CSGALNACT1: variants seen among roughly 807,000 people sequenced by gnomAD.
CSGALNACT1 encodes beta4GalNAcT-1.
CSGALNACT1 carries 52 observed loss-of-function variants against 51.0 expected under a neutral mutation model. The observed-to-expected ratio is 1.02, with a 90% CI of 0.82 to 1.29. CSGALNACT1 has a LOEUF of 1.29. Ranked by LOEUF, CSGALNACT1 falls within the 50% of genes most tolerant of loss-of-function variation. The pLI is 0.00. For synonymous variants in CSGALNACT1, 341 were observed against 254.4 expected (o/e 1.34, Z -3.24); for missense variants, 935 against 679.2 (o/e 1.38, Z -4.19).
At chr8:19,549,116 T>C (rs1942840408) in intron 3 of CSGALNACT1, among the ~76,000 whole-genome samples, 2 of 138,368 alleles carry the variant, frequency 1.4e-5, no homozygotes, top group Admixed American at 7.0e-5. Context: ...CAAGACTAGC[T>C]GCTTATCCTT....
intron 1 of CSGALNACT1, chr8:19,642,007 G>T (rs1177801004): frequency 6.6e-6 from 1 of 152,184 alleles, no homozygotes; most frequent in Non-Finnish European, 1.5e-5. Context: ...TTTGGGCAAC[G>T]CCTGATGTCT....
At chr8:19,711,103 A>G (rs1257392889) in intron 1 of CSGALNACT1, among the ~76,000 whole-genome samples, 1 of 152,144 alleles carries the variant, frequency 6.6e-6, no homozygotes, top group African/African-American at 2.4e-5. Flanking sequence ...ATATAAATAT[A>G]TTTCCAAAGG....
At chr8:19,724,949 G>A (rs1204723711) in intron 1 of CSGALNACT1, among the ~76,000 whole-genome samples, 5 of 152,146 alleles carry the variant, frequency 3.3e-5, no homozygotes, top group Non-Finnish European at 7.3e-5. Context: ...GCAGAGAGCT[G>A]CGCCCTCAGC....
rs139260581 is a variant in CSGALNACT1, at chr8:19,425,585, G to C, written c.954-5067C>G. On this transcript the variant is annotated intron_variant, in intron 6 of 9. Coordinates refer to ENST00000454498, the Ensembl canonical transcript of CSGALNACT1. ...TAATCAGAGCCTCACAAGAGTGGAAGCATCTACCTCACTGCCTGCTCTCCA... is the reference window on the plus strand; with the variant it reads ...TAATCAGAGCCTCACAAGAGTGGAACCATCTACCTCACTGCCTGCTCTCCA... Among the ~76,000 whole-genome samples, 5 of 152,290 alleles carry C rather than the reference G, an allele frequency of 3.3e-5. No individual in the cohort carries two copies. In the East Asian group the frequency reaches 9.7e-4, roughly 29 times the overall value.
chr8:19,698,513 G>T (rs2061692979), intron 1 of CSGALNACT1, among the ~76,000 whole-genome samples: 1 of 152,190 alleles, frequency 6.6e-6, no homozygotes, highest in African/African-American at 2.4e-5. Flanking sequence ...GAGGCTCACA[G>T]GCTAAGGTAA....
chr8:19,610,306 A>G (rs1173849885), intron 1 of CSGALNACT1, among the ~76,000 whole-genome samples: 1 of 151,014 alleles, frequency 6.6e-6, no homozygotes, highest in East Asian at 1.9e-4. Flanking sequence ...AAAAAAAAAA[A>G]AAAAAGATAC....
At chr8:19,741,061 T>G (rs1323022317) in intron 1 of CSGALNACT1, among the ~76,000 whole-genome samples, 1 of 152,204 alleles carries the variant, frequency 6.6e-6, no homozygotes, top group Non-Finnish European at 1.5e-5. Context: ...AACTGACTTT[T>G]GTGCGTAGGT....
chr8:19,653,687 G>T (rs1281153330), intron 1 of CSGALNACT1, among the ~76,000 whole-genome samples: 1 of 152,090 alleles, frequency 6.6e-6, no homozygotes, highest in Non-Finnish European at 1.5e-5. Flanking sequence ...CCAGCTACTT[G>T]TGAGGCTGAG....
chr8:19,431,458 A>G (rs757961208), intron 6 of CSGALNACT1, among the ~76,000 whole-genome samples: 3 of 152,042 alleles, frequency 2.0e-5, no homozygotes, highest in Non-Finnish European at 4.4e-5. Flanking sequence ...TTAATATGGC[A>G]TATTTCATTG....
intron 3 of CSGALNACT1, among the ~76,000 whole-genome samples, chr8:19,517,369 G>A (rs1229416285): frequency 6.6e-6 from 1 of 152,148 alleles, no homozygotes; most frequent in African/African-American, 2.4e-5. Flanking sequence ...GAATCTGGGA[G>A]GCAGAGGTTG....
At chr8:19,451,396 A>G (rs1448681668) in intron 5 of CSGALNACT1, among the ~76,000 whole-genome samples, 1 of 152,200 alleles carries the variant, frequency 6.6e-6, no homozygotes, top group Non-Finnish European at 1.5e-5. Context: ...AAATCGTTTT[A>G]TTAAACTTGT....
chr8:19,528,708 G>C (rs1400349820), intron 3 of CSGALNACT1, among the ~76,000 whole-genome samples: 5 of 152,076 alleles, frequency 3.3e-5, no homozygotes, highest in African/African-American at 4.8e-5. Context: ...CTCTTACTAG[G>C]ATACCTCACG....
intron 1 of CSGALNACT1, among the ~76,000 whole-genome samples, chr8:19,722,780 G>A (rs1388943): frequency 0.55 from 83,564 of 152,046 alleles, 23,206 homozygotes; most frequent in East Asian, 0.63. Context: ...TACAGCACCA[G>A]CTCCTCTTTT....
intron 3 of CSGALNACT1, among the ~76,000 whole-genome samples, chr8:19,550,038 T>C (rs1435311424): frequency 6.6e-6 from 1 of 152,230 alleles, no homozygotes; most frequent in Non-Finnish European, 1.5e-5. Flanking sequence ...TTCATTGTGC[T>C]GGGCACTTAA....
chr8:19,510,168 C>T (rs753696279), intron 3 of CSGALNACT1, among the ~76,000 whole-genome samples: 1 of 152,068 alleles, frequency 6.6e-6, no homozygotes, highest in Non-Finnish European at 1.5e-5. Flanking sequence ...GGCCAAATCC[C>T]CAGGGATGGA....
At chr8:19,745,218 C>T (rs75194088) in intron 1 of CSGALNACT1, among the ~76,000 whole-genome samples, 22,414 of 152,216 alleles carry the variant, frequency 0.15, 1,814 homozygotes, top group African/African-American at 0.19. Flanking sequence ...TAATCTGCTG[C>T]CATTTCCAGA....
At chr8:19,504,222 G>A (rs1339782132) in intron 4 of CSGALNACT1, among the ~76,000 whole-genome samples, 10 of 152,196 alleles carry the variant, frequency 6.6e-5, no homozygotes, top group African/African-American at 9.6e-5. Context: ...GTCTACAGGC[G>A]CCCGCCACCA....
chr8:19,554,126 G>A lies in CSGALNACT1; in HGVS notation c.-297+37034C>T, dbSNP rs191743510. On this transcript the variant is annotated intron_variant, in intron 3 of 9. Transcript: ENST00000454498. ...GAATGAAAAAACAAAGCCCACAGCTGAACATAATACAGGGAAATTTCAGAA... is the reference window on the plus strand; with the variant it reads ...GAATGAAAAAACAAAGCCCACAGCTAAACATAATACAGGGAAATTTCAGAA... Among the ~76,000 whole-genome samples the A allele has an allele frequency of 7.2e-5, 11 of 152,186 alleles. 1 individual carries two copies. The highest frequency in any genetic ancestry group is 4.2e-4 in the South Asian group (2 of 4,814).
At chr8:19,512,852 A>G (rs147593296) in intron 3 of CSGALNACT1, among the ~76,000 whole-genome samples, 16 of 152,344 alleles carry the variant, frequency 1.1e-4, no homozygotes, top group Non-Finnish European at 1.8e-4. Context: ...TAAAGTTAAA[A>G]CAGAGGAACA....
Sources: allele counts gnomAD v4.1 joint callset (sites outside exome capture counted in the v4.1 genomes callset), GRCh38; gene constraint gnomAD v4.1.1; transcripts MANE v1.5; gene names NCBI Gene and HGNC (gene_info 2026-07-23, HGNC 2026-07-21).